The following PRXL2A variants were observed in gnomAD, a reference collection of about 807,000 sequenced individuals.
PRXL2A encodes the protein peroxiredoxin-like 2A.
A neutral mutation model predicts 25.6 loss-of-function variants in PRXL2A; 26 were observed. That is an observed-to-expected ratio of 1.02 (90% CI 0.74 to 1.41). PRXL2A has a LOEUF of 1.41. PRXL2A is among the 40% of genes most tolerant of loss of function. The probability of loss-of-function intolerance (pLI) is 0.00; values close to 1 mark genes in which losing one functional copy is unlikely to be tolerated. For synonymous variants in PRXL2A, 98 were observed against 102.9 expected (o/e 0.95, Z 0.29); for missense variants, 246 against 273.9 (o/e 0.90, Z 0.72).
intron 3 of PRXL2A, 75 bp downstream of exon 3, chr10:80,422,583 A>C (rs17105023): frequency 0.027 from 31,267 of 1,153,162 alleles, 1,890 homozygotes; most frequent in African/African-American, 0.16. Context: ...GCCAGAACCA[A>C]GGGTCGGTAA....
rs1164801700 is a variant in PRXL2A, at chr10:80,434,614, TA to T, written c.*2518del. The T allele has an allele frequency of 6.6e-6, 1 of 152,138 alleles. No homozygotes were observed. Among genetic ancestry groups the T allele is most frequent in the Non-Finnish European group, 1.5e-5 (1 of 68,038 alleles). The allele number at this position is 152,138 out of a possible 1,614,324, so 9.4% of individuals were successfully genotyped here. A position where few individuals can be genotyped will look rare whatever the true frequency, so the allele number is the denominator to read the frequency against. On this transcript the variant is annotated 3_prime_UTR_variant, in exon 6 of 6. Coordinates refer to ENST00000606162, the MANE Select transcript of PRXL2A (RefSeq NM_032333.5). ...AATCTGTGCAGAGGTGATGGAATTT[TA>T]AAGAGGGGAGGGAGGAGGTTCAAAT...
At chr10:80,412,283 C>T (rs1844502875) in intron 1 of PRXL2A, among the ~76,000 whole-genome samples, 1 of 152,126 alleles carries the variant, frequency 6.6e-6, no homozygotes, top group Admixed American at 6.5e-5. Flanking sequence ...AGGACCCAGC[C>T]TAAGGTTACC....
intron 5 of PRXL2A, among the ~76,000 whole-genome samples, chr10:80,430,313 A>G (rs866334495): frequency 6.6e-6 from 1 of 151,756 alleles, no homozygotes; most frequent in Non-Finnish European, 1.5e-5. Context: ...TGTTGGCCAG[A>G]CTGGTCTCAA....
chr10:80,419,153 T>G (rs537832200), intron 1 of PRXL2A, among the ~76,000 whole-genome samples: 17 of 151,098 alleles, frequency 1.1e-4, no homozygotes, highest in Admixed American at 3.3e-4. Flanking sequence ...GCCCAGCTAA[T>G]TTTTGTATTT....
intron 1 of PRXL2A, among the ~76,000 whole-genome samples, chr10:80,419,541 C>A (rs1429051558): frequency 1.3e-5 from 2 of 151,140 alleles, no homozygotes; most frequent in African/African-American, 4.9e-5. Context: ...CTCCCGACCT[C>A]AGGTGATCCG....
At position 80,420,646 on chromosome 10, in the gene PRXL2A, G is replaced by A; in HGVS notation, c.178+1G>A. 6.3e-7 allele frequency: 1 copy of A among 1,597,964 alleles called. No individual in the cohort carries two copies. Among genetic ancestry groups the A allele is most frequent in the Non-Finnish European group, 8.6e-7 (1 of 1,169,290 alleles). ...ATAGACCTGAAAACACTGGAGAAGG[G>A]TAAGTGGTGACCCTTCAGGTCTCAG... On this transcript the variant is annotated splice_donor_variant, in intron 2 of 5. Coordinates refer to ENST00000606162, the MANE Select transcript of PRXL2A (RefSeq NM_032333.5). LOFTEE classifies it high-confidence loss of function.
chr10:80,422,347 G>A, intron 2 of PRXL2A, 70 bp from the exon 3 acceptor site: 1 of 1,287,454 alleles, frequency 7.8e-7, no homozygotes, highest in Non-Finnish European at 1.1e-6. Flanking sequence ...ACTTAGTGTG[G>A]TTCATGAGCT....
At chr10:80,416,042 G>A (rs1844650669) in intron 1 of PRXL2A, among the ~76,000 whole-genome samples, 1 of 152,210 alleles carries the variant, frequency 6.6e-6, no homozygotes, top group Non-Finnish European at 1.5e-5. Flanking sequence ...AGAAATCCAG[G>A]AACATTTTGG....
At chr10:80,428,791 G>T (rs538861865) in intron 5 of PRXL2A, among the ~76,000 whole-genome samples, 3 of 152,200 alleles carry the variant, frequency 2.0e-5, no homozygotes. Flanking sequence ...TTTTCTTTCT[G>T]TAGAAAGATG....
chr10:80,433,247 T>G lies in PRXL2A; in HGVS notation c.*1148T>G, dbSNP rs1001967953. The G allele has an allele frequency of 6.6e-6, 1 of 152,232 alleles. No individual in the cohort carries two copies. Among genetic ancestry groups the G allele is most frequent in the Non-Finnish European group, 1.5e-5 (1 of 68,042 alleles). 9.4% of individuals were successfully genotyped at this position (152,232 alleles called of 1,614,324 possible). On this transcript the variant is annotated 3_prime_UTR_variant, in exon 6 of 6. Coordinates refer to ENST00000606162, the MANE Select transcript of PRXL2A (RefSeq NM_032333.5). The stretch of plus-strand genomic sequence containing the variant: ...AAATTGGTAGCTGTTTTTCTATTGG[T>G]CTTTTAGCCTAATTTGGCAAATCAG...
chr10:80,426,883 C>G (rs767113621), intron 4 of PRXL2A, among the ~76,000 whole-genome samples: 1 of 152,028 alleles, frequency 6.6e-6, no homozygotes. Flanking sequence ...GTGGCTCATG[C>G]CTGTAATCTC....
intron 1 of PRXL2A, among the ~76,000 whole-genome samples, chr10:80,411,292 C>T (rs1844468834): frequency 6.6e-6 from 1 of 152,250 alleles, no homozygotes; most frequent in Admixed American, 6.5e-5. Context: ...AGATTATAAG[C>T]TGCTTACCAA....
intron 1 of PRXL2A, among the ~76,000 whole-genome samples, chr10:80,417,048 A>G (rs1445831134): frequency 6.6e-6 from 1 of 152,230 alleles, no homozygotes; most frequent in Admixed American, 6.5e-5. Context: ...CTCGGCCCCG[A>G]GGAAAGGGCT....
chr10:80,427,211 C>A, intron 4 of PRXL2A, 121 bp from the exon 5 acceptor site: 1 of 721,446 alleles, frequency 1.4e-6, no homozygotes. Context: ...GGAGAGAAGA[C>A]TGGAACCAGC....
rs1271780036 is a variant in PRXL2A, at chr10:80,436,098, G to A, written c.*3999G>A. 1 of 150,200 alleles carries A rather than the reference G, an allele frequency of 6.7e-6. No individual in the cohort carries two copies. The highest frequency in any genetic ancestry group is 1.5e-5 in the Non-Finnish European group (1 of 67,800). The allele number at this position is 150,200 out of a possible 1,614,324, so 9.3% of individuals were successfully genotyped here. On this transcript the variant is annotated 3_prime_UTR_variant, in exon 6 of 6. Transcript: ENST00000606162. ...AAAAATTATTAAATCAGAATCTCTGGGGTAGGCCCCAAGCAACTTTTTTTT... is the reference window on the plus strand; with the variant it reads ...AAAAATTATTAAATCAGAATCTCTGAGGTAGGCCCCAAGCAACTTTTTTTT...
chr10:80,435,374 T>A lies in PRXL2A; in HGVS notation c.*3275T>A, dbSNP rs1206456060. ...TGCTAGAAACTATGCTAGTGTTTGT[T>A]CAAGTCTCTCCGTGTCCGGGGTGAG... On this transcript the variant is annotated 3_prime_UTR_variant, in exon 6 of 6. Transcript: ENST00000606162. 6.6e-6 allele frequency: 1 copy of A among 152,130 alleles called. No homozygotes were observed. The highest frequency in any genetic ancestry group is 1.9e-4 in the East Asian group (1 of 5,190). The allele number at this position is 152,130 out of a possible 1,614,324, so 9.4% of individuals were successfully genotyped here.
chr10:80,417,750 T>C, intron 1 of PRXL2A, among the ~76,000 whole-genome samples: 1 of 90,658 alleles, frequency 1.1e-5, no homozygotes, highest in African/African-American at 5.2e-5. Flanking sequence ...CTTCATCTTT[T>C]TTTTTTTGTT....
At position 80,436,963 on chromosome 10, in the gene PRXL2A, A is replaced by G. The variant is rs1475488070; in HGVS notation, c.*4864A>G. The G allele has an allele frequency of 6.6e-6, 1 of 152,230 alleles. No homozygotes were observed. Among genetic ancestry groups the G allele is most frequent in the Non-Finnish European group, 1.5e-5 (1 of 68,054 alleles). 9.4% of individuals were successfully genotyped at this position (152,230 alleles called of 1,614,324 possible). On this transcript the variant is annotated 3_prime_UTR_variant, in exon 6 of 6. Transcript: ENST00000606162. ...CCTCTCAGTCTATTACTATTAGATC[A>G]TACCCTTCTTGTCCAATCATATTTC...
rs1006105605 is a variant in PRXL2A at position 80,435,662 on chromosome 10, G to C, written c.*3563G>C. ...CAACAGATTTTATTTTTGTAGGGATGGGGGTCTCCCTGTATTGCCCAGGCT... is the reference window on the plus strand; with the variant it reads ...CAACAGATTTTATTTTTGTAGGGATCGGGGTCTCCCTGTATTGCCCAGGCT... On this transcript the variant is annotated 3_prime_UTR_variant, in exon 6 of 6. Transcript: ENST00000606162. The C allele has an allele frequency of 1.4e-5, 2 of 147,050 alleles. No homozygotes were observed. Among genetic ancestry groups the C allele is most frequent in the African/African-American group, 2.7e-5 (1 of 36,868 alleles). The allele number at this position is 147,050 out of a possible 1,614,324, so 9.1% of individuals were successfully genotyped here.
Sources: allele counts gnomAD v4.1 joint callset (sites outside exome capture counted in the v4.1 genomes callset), GRCh38; gene constraint gnomAD v4.1.1; transcripts MANE v1.5; gene names NCBI Gene and HGNC (gene_info 2026-07-23, HGNC 2026-07-21).